DCC: variants seen among roughly 807,000 people sequenced by gnomAD.
The protein encoded by DCC is DCC netrin 1 receptor.
In DCC, 58 loss-of-function variants were observed where a neutral mutation model predicts 172.5. That is an observed-to-expected ratio of 0.34 (90% CI 0.27 to 0.42). The LOEUF (loss-of-function observed/expected upper bound fraction) is 0.42. Among genes scored for constraint, DCC ranks in the 10% least tolerant of loss-of-function variants. The pLI, the probability that DCC is intolerant of heterozygous loss-of-function variation, is 1.00. For missense variants in DCC, 1,740 were observed against 1,791.0 expected, an observed-to-expected ratio of 0.97 and a Z score of 0.51; for synonymous variants, 709 against 644.5, an observed-to-expected ratio of 1.10 and a Z score of -1.52.
At chr18:52,550,192 C>T (rs1380733321) in intron 1 of DCC, among the ~76,000 whole-genome samples, 1 of 151,652 alleles carries the variant, frequency 6.6e-6, no homozygotes, top group African/African-American at 2.4e-5. Flanking sequence ...GAAAAAAACC[C>T]AAATGAGAAA....
chr18:52,344,147 C>G (rs929571373), intron 1 of DCC, among the ~76,000 whole-genome samples: 7 of 152,194 alleles, frequency 4.6e-5, no homozygotes, highest in African/African-American at 1.4e-4. Context: ...GTGTGTATGA[C>G]TTAAATTTAT....
At chr18:52,760,167 C>T (rs574430118) in intron 2 of DCC, among the ~76,000 whole-genome samples, 2 of 152,290 alleles carry the variant, frequency 1.3e-5, no homozygotes, top group Admixed American at 1.3e-4. Context: ...GACTTGTAAT[C>T]ATGGTGGAAA....
At chr18:52,714,504 T>G (rs1188940705) in intron 1 of DCC, among the ~76,000 whole-genome samples, 2 of 152,118 alleles carry the variant, frequency 1.3e-5, no homozygotes, top group African/African-American at 2.4e-5. Context: ...AGAACATAGG[T>G]AGAAGGGCAT....
chr18:52,692,474 T>G (rs1365259338), intron 1 of DCC, among the ~76,000 whole-genome samples: 1 of 152,186 alleles, frequency 6.6e-6, no homozygotes, highest in African/African-American at 2.4e-5. Context: ...AGTCTCACTC[T>G]GTTGCTCAGG....
intron 3 of DCC, among the ~76,000 whole-genome samples, chr18:52,920,850 G>A (rs1013290281): frequency 2.8e-4 from 43 of 152,170 alleles, no homozygotes; most frequent in African/African-American, 9.6e-4. Context: ...ATAAAAATAA[G>A]TAACCTATCA....
At chr18:52,578,167 C>T (rs1310119384) in intron 1 of DCC, among the ~76,000 whole-genome samples, 1 of 152,176 alleles carries the variant, frequency 6.6e-6, no homozygotes, top group African/African-American at 2.4e-5. Context: ...TATTGCCATC[C>T]ACCCATGTCC....
chr18:52,509,780 T>C (rs2031367382), intron 1 of DCC, among the ~76,000 whole-genome samples: 1 of 152,198 alleles, frequency 6.6e-6, no homozygotes, highest in Non-Finnish European at 1.5e-5. Flanking sequence ...CCCCCACGGA[T>C]GAACCGAGTT....
At chr18:53,210,007 C>A (rs930616465) in intron 11 of DCC, among the ~76,000 whole-genome samples, 1 of 152,200 alleles carries the variant, frequency 6.6e-6, no homozygotes, top group African/African-American at 2.4e-5. Flanking sequence ...CATCACTGTG[C>A]AAAGGACACC....
intron 15 of DCC, among the ~76,000 whole-genome samples, chr18:53,346,253 T>C (rs11664320): frequency 0.34 from 51,944 of 152,002 alleles, 9,808 homozygotes; most frequent in Non-Finnish European, 0.44. Context: ...GCAGCTAGAT[T>C]ATATTATATA....
At chr18:53,204,610 A>G (rs961128428) in intron 9 of DCC, among the ~76,000 whole-genome samples, 10 of 152,128 alleles carry the variant, frequency 6.6e-5, no homozygotes, top group Admixed American at 5.9e-4. Context: ...TAATTTCATT[A>G]GCAGACAAGT....
At chr18:52,892,171 T>C (rs2145423029) in intron 2 of DCC, among the ~76,000 whole-genome samples, 1 of 152,198 alleles carries the variant, frequency 6.6e-6, no homozygotes, top group South Asian at 2.1e-4. Context: ...CTTTAATACT[T>C]CTTTTTAAGT....
At chr18:52,694,079 A>G (rs2145018327) in intron 1 of DCC, among the ~76,000 whole-genome samples, 1 of 152,248 alleles carries the variant, frequency 6.6e-6, no homozygotes, top group Non-Finnish European at 1.5e-5. Context: ...AAGTCATGTT[A>G]ATAGCATGTC....
chr18:52,859,570 G>A (rs997358479), intron 2 of DCC, among the ~76,000 whole-genome samples: 11 of 152,186 alleles, frequency 7.2e-5, no homozygotes, highest in Non-Finnish European at 1.6e-4. Flanking sequence ...TTGTTTTGCA[G>A]ATGAGATCAA....
intron 2 of DCC, among the ~76,000 whole-genome samples, chr18:52,827,156 T>C (rs2038525020): frequency 6.6e-6 from 1 of 152,178 alleles, no homozygotes; most frequent in South Asian, 2.1e-4. Context: ...GAGGGGGCCC[T>C]ACTCAGTCTC....
chr18:52,403,298 C>T (rs139564002), intron 1 of DCC, among the ~76,000 whole-genome samples: 2 of 152,110 alleles, frequency 1.3e-5, no homozygotes, highest in East Asian at 3.9e-4. Flanking sequence ...GTCTTCTGGT[C>T]TCCCTATAAG....
At chr18:52,648,077 G>A (rs527764941) in intron 1 of DCC, among the ~76,000 whole-genome samples, 1 of 152,332 alleles carries the variant, frequency 6.6e-6, no homozygotes, top group Non-Finnish European at 1.5e-5. Flanking sequence ...AAGCATTCCA[G>A]CTTAAGTGAA....
At chr18:52,374,600 T>C (rs1398310102) in intron 1 of DCC, among the ~76,000 whole-genome samples, 3 of 152,128 alleles carry the variant, frequency 2.0e-5, no homozygotes, top group Middle Eastern at 6.3e-3. Flanking sequence ...GGGCCAACAT[T>C]AGACTGGCTG....
At chr18:52,916,974 T>C (rs2040050522) in intron 3 of DCC, among the ~76,000 whole-genome samples, 1 of 151,702 alleles carries the variant, frequency 6.6e-6, no homozygotes, top group Admixed American at 6.6e-5. Flanking sequence ...ATATTATTTT[T>C]GATGGGGTAA....
At chr18:52,697,428 ATC>A (rs1238557883) in intron 1 of DCC, among the ~76,000 whole-genome samples, 1 of 152,222 alleles carries the variant, frequency 6.6e-6, no homozygotes. Context: ...GAGGTCTCTT[ATC>A]TCTGTCACTG....
Sources: allele counts gnomAD v4.1 joint callset (sites outside exome capture counted in the v4.1 genomes callset), GRCh38; gene constraint gnomAD v4.1.1; transcripts MANE v1.5; gene names NCBI Gene and HGNC (gene_info 2026-07-23, HGNC 2026-07-21).